DISC1: variants seen among roughly 807,000 people sequenced by gnomAD.
DISC1 encodes the protein DISC1 scaffold protein, also known as disrupted in schizophrenia 1 protein.
Under a neutral mutation model 84.5 loss-of-function variants are expected in DISC1, and 57 were observed. The observed-to-expected ratio is 0.67, with a 90% confidence interval of 0.55 to 0.84. The LOEUF is 0.84. DISC1 is among the 40% of genes least tolerant of loss of function. The pLI is 0.00. For synonymous variants in DISC1, 411 were observed against 415.2 expected (o/e 0.99, Z 0.12); for missense variants, 1,000 against 1,057.8 (o/e 0.95, Z 0.76).
chr1:231,863,220 CTTTTTTTTTTTTTTT>C (rs533463099), intron 9 of DISC1, among the ~76,000 whole-genome samples: 9 of 54,760 alleles, frequency 1.6e-4, no homozygotes, highest in Non-Finnish European at 2.8e-4. Flanking sequence ...ATAAAATGTT[CTTTTTTTTTTTTTTT>C]TTTTTTTTTT....
chr1:231,732,920 GGCA>G (rs2071722535), intron 3 of DISC1, among the ~76,000 whole-genome samples: 3 of 93,442 alleles, frequency 3.2e-5, no homozygotes, highest in South Asian at 4.2e-4. Flanking sequence ...TGGGAACAGT[GGCA>G]GTGGTGGTAG....
chr1:231,861,890 A>G (rs199643168), intron 9 of DISC1, among the ~76,000 whole-genome samples: 347 of 152,308 alleles, frequency 2.3e-3, no homozygotes, highest in Non-Finnish European at 4.0e-3. Flanking sequence ...ATCTATTTAC[A>G]ACAGCGACTA....
chr1:231,805,353 T>C (rs2079619008), intron 8 of DISC1, among the ~76,000 whole-genome samples: 1 of 152,186 alleles, frequency 6.6e-6, no homozygotes, highest in Non-Finnish European at 1.5e-5. Context: ...GGAGGTTTAA[T>C]TGGCTTATGA....
intron 1 of DISC1, among the ~76,000 whole-genome samples, chr1:231,687,163 C>A (rs923698844): frequency 6.6e-6 from 1 of 152,152 alleles, no homozygotes; most frequent in Non-Finnish European, 1.5e-5. Flanking sequence ...TGCCTATTAC[C>A]CAGTTCCAAA....
chr1:231,742,561 C>CCGAGG (rs1370806398), intron 3 of DISC1, among the ~76,000 whole-genome samples: 1 of 151,996 alleles, frequency 6.6e-6, no homozygotes, highest in Non-Finnish European at 1.5e-5. Context: ...TCACTTGAGG[C>CCGAGG]CAGGAGTTTG....
chr1:231,753,335 C>T (rs1348250362), intron 4 of DISC1, among the ~76,000 whole-genome samples: 1 of 152,262 alleles, frequency 6.6e-6, no homozygotes, highest in African/African-American at 2.4e-5. Context: ...CTCTGTGCAC[C>T]TGCAGGCTTA....
At chr1:231,753,579 A>G (rs1483636209) in intron 4 of DISC1, among the ~76,000 whole-genome samples, 1 of 152,184 alleles carries the variant, frequency 6.6e-6, no homozygotes, top group East Asian at 1.9e-4. Context: ...GGTCTCTGAA[A>G]TGCCTCTGAG....
At chr1:231,829,440 C>T (rs1293661909) in intron 9 of DISC1, among the ~76,000 whole-genome samples, 1 of 152,128 alleles carries the variant, frequency 6.6e-6, no homozygotes, top group Non-Finnish European at 1.5e-5. Flanking sequence ...TCTCGGCTCA[C>T]TGCAACCTCC....
rs538866725 is a variant in DISC1 at position 231,958,871 on chromosome 1, T to G, written c.2025T>G (p.Leu675=). The G allele has an allele frequency of 2.5e-6, 4 of 1,613,786 alleles. No individual in the cohort carries two copies. The East Asian group carries it at 6.7e-5, about 27-fold the overall frequency. ...KENTMKYMET[L]KNKLCSCKCP... is the part of the protein sequence containing the mutation. Reference sequence around the variant, plus strand: ...ATACTATGAAGTACATGGAAACACTTAAGAATAAACTGTGCAGGTAAGGAT... The same window carrying G: ...ATACTATGAAGTACATGGAAACACTGAAGAATAAACTGTGCAGGTAAGGAT... The change falls in exon 10 of 13, where the codon CTT becomes CTG. Residue 675 remains leucine (L), a synonymous_variant. Coordinates refer to ENST00000439617, the MANE Select transcript of DISC1 (RefSeq NM_018662.3).
chr1:231,877,492 T>C (rs768882881), intron 9 of DISC1, among the ~76,000 whole-genome samples: 6 of 152,210 alleles, frequency 3.9e-5, no homozygotes, highest in Non-Finnish European at 8.8e-5. Flanking sequence ...AAAAAATAAG[T>C]ATTGATGTAA....
intron 9 of DISC1, among the ~76,000 whole-genome samples, chr1:231,858,239 C>A (rs1160225175): frequency 2.0e-5 from 3 of 152,226 alleles, no homozygotes; most frequent in Non-Finnish European, 4.4e-5. Context: ...ATAGCCATGG[C>A]TCTCTTCCCT....
At chr1:231,833,140 T>G (rs185065760) in intron 9 of DISC1, among the ~76,000 whole-genome samples, 21 of 150,404 alleles carry the variant, frequency 1.4e-4, no homozygotes, top group Admixed American at 5.9e-4. Context: ...AGTCCAGGAA[T>G]AGTCAGGGAA....
chr1:231,729,083 C>T (rs2071164309), intron 3 of DISC1, among the ~76,000 whole-genome samples: 2 of 151,966 alleles, frequency 1.3e-5, no homozygotes, highest in African/African-American at 2.4e-5. Context: ...CGAGTGAGAA[C>T]ATGTGGTGTT....
chr1:232,026,918 T>C (rs1259816458), intron 12 of DISC1, among the ~76,000 whole-genome samples: 2 of 151,932 alleles, frequency 1.3e-5, no homozygotes, highest in African/African-American at 4.8e-5. Flanking sequence ...CCAGCTAATT[T>C]TTTTGTATTT....
At chr1:231,726,833 T>C (rs780495926) in intron 3 of DISC1, among the ~76,000 whole-genome samples, 6 of 152,186 alleles carry the variant, frequency 3.9e-5, no homozygotes, top group Non-Finnish European at 8.8e-5. Flanking sequence ...ATCATCTTTC[T>C]AGAAATATCA....
intron 9 of DISC1, among the ~76,000 whole-genome samples, chr1:231,867,301 A>G (rs1164361302): frequency 1.3e-5 from 2 of 152,242 alleles, no homozygotes; most frequent in Admixed American, 6.5e-5. Flanking sequence ...GAAAGATTTA[A>G]AGAAAGTAAT....
intron 8 of DISC1, among the ~76,000 whole-genome samples, chr1:231,808,440 T>C (rs1033133755): frequency 2.0e-5 from 3 of 152,186 alleles, no homozygotes; most frequent in African/African-American, 7.2e-5. Flanking sequence ...GATGTTACTC[T>C]CCCCTGGCCT....
chr1:231,807,218 C>G (rs2079810147), intron 8 of DISC1, among the ~76,000 whole-genome samples: 1 of 152,236 alleles, frequency 6.6e-6, no homozygotes, highest in South Asian at 2.1e-4. Context: ...TGACTGGTAT[C>G]ACAGTCCTCA....
intron 9 of DISC1, among the ~76,000 whole-genome samples, chr1:231,831,449 G>C (rs1354889227): frequency 6.6e-6 from 1 of 152,220 alleles, no homozygotes; most frequent in Non-Finnish European, 1.5e-5. Context: ...GGAAGAGACT[G>C]ATAGGTGGAA....
Sources: gnomAD v4.1 joint callset for allele counts (sites outside exome capture counted in the v4.1 genomes callset) on GRCh38, gnomAD v4.1.1 for gene constraint, MANE v1.5 for transcripts, NCBI Gene and HGNC (gene_info 2026-07-23, HGNC 2026-07-21) for gene names.